The following HCK variants were observed in gnomAD, a reference collection of about 807,000 sequenced individuals.
HCK encodes HCK proto-oncogene, Src family tyrosine kinase, also known as tyrosine-protein kinase HCK.
HCK carries 40 observed loss-of-function variants against 70.4 expected under a neutral mutation model. The ratio of observed to expected loss-of-function variants is 0.57; its 90% CI spans 0.44 to 0.74. The LOEUF is 0.74. HCK is among the 30% of genes least tolerant of loss of function. The pLI is 0.00. For missense variants in HCK, 568 were observed against 697.2 expected (o/e 0.81, Z 2.09); for synonymous variants, 245 against 263.2 (o/e 0.93, Z 0.67).
rs770169744 is a variant in HCK, at chr20:32,101,332, A to AAG, written c.1395_1396dup (p.Val466GlufsTer2). 1 of 1,614,074 alleles carries AAG rather than the reference A, an allele frequency of 6.2e-7. No individual in the cohort carries two copies. ...TCCTTTTCAGGGATGTCAAACCCTG[A>AAG]AGTGATCCGAGCTCTGGAGCGTGGA... On this transcript the variant is annotated frameshift_variant, in exon 13 of 13. Transcript: ENST00000375852. LOFTEE classifies it high-confidence loss of function.
intron 11 of HCK, among the ~76,000 whole-genome samples, chr20:32,097,446 G>A (rs184099313): frequency 9.9e-5 from 15 of 152,260 alleles, no homozygotes; most frequent in African/African-American, 3.6e-4. Flanking sequence ...AGGCGTGGTG[G>A]CGGGCACCTG....
At chr20:32,058,605 AACACACACACACAC>A (rs60349531) in intron 1 of HCK, among the ~76,000 whole-genome samples, 2 of 142,434 alleles carry the variant, frequency 1.4e-5, no homozygotes, top group South Asian at 4.6e-4. Flanking sequence ...TTTATGTCAA[AACACACACACACAC>A]ACACACACAC....
chr20:32,052,796 GATTTTTTTTTT>G (rs2045198608), intron 1 of HCK, among the ~76,000 whole-genome samples: 3 of 111,002 alleles, frequency 2.7e-5, no homozygotes, highest in Non-Finnish European at 5.1e-5. Flanking sequence ...GGGGGGCGGG[GATTTTTTTTTT>G]AATTTAAAAA....
intron 11 of HCK, among the ~76,000 whole-genome samples, chr20:32,097,612 G>A (rs2045974283): frequency 6.7e-6 from 1 of 150,216 alleles, no homozygotes; most frequent in Admixed American, 6.6e-5. Flanking sequence ...ATAAATAAAT[G>A]TAATGACTAA....
rs150178388 is a variant in HCK at position 32,093,626 on chromosome 20, T to G, written c.1093-237T>G. ...AACATTTCAAAGTGCTCTCTGGAAG[T>G]CTTGGAATTCTAGAGAATCCCCCAA... On this transcript the variant is annotated intron_variant, in intron 10 of 12. Coordinates refer to ENST00000375852, the MANE Select transcript of HCK (RefSeq NM_002110.5). 2.9e-4 allele frequency among the ~76,000 whole-genome samples: 44 copies of G among 152,222 alleles called. 2 individuals are homozygous for G. The East Asian group carries it at 8.5e-3, about 30-fold the overall frequency.
In HCK at chr20:32,061,625, G is replaced by T. The variant is rs117911133; in HGVS notation, c.62+9139G>T. 3.9e-5 allele frequency among the ~76,000 whole-genome samples: 6 copies of T among 152,312 alleles called. No homozygotes were observed. The East Asian group carries it at 1.2e-3, about 29-fold the overall frequency. The stretch of plus-strand genomic sequence containing the variant: ...TGTCTTTGCCAGGGTGATGAGGGAA[G>T]GTTGCTCTGAGAAGGTACAATCATT... On this transcript the variant is annotated intron_variant, in intron 1 of 12. Coordinates refer to ENST00000375852, the MANE Select transcript of HCK (RefSeq NM_002110.5).
intron 6 of HCK, among the ~76,000 whole-genome samples, chr20:32,080,355 T>C (rs996322206): frequency 6.6e-6 from 1 of 152,134 alleles, no homozygotes; most frequent in Non-Finnish European, 1.5e-5. Context: ...CTCGCCACCA[T>C]GCCCAGCTAA....
chr20:32,084,664 A>G, intron 8 of HCK, 121 bp downstream of exon 8: 1 of 865,244 alleles, frequency 1.2e-6, no homozygotes, highest in Admixed American at 2.8e-5. Flanking sequence ...GGGAGATTTA[A>G]ATAATAGCCA....
intron 4 of HCK, among the ~76,000 whole-genome samples, chr20:32,074,089 C>T (rs1246686211): frequency 3.9e-5 from 6 of 152,266 alleles, no homozygotes; most frequent in African/African-American, 9.6e-5. Context: ...ATTAAGCCAC[C>T]GGCTTTACCT....
At chr20:32,054,795 G>T (rs1406860934) in intron 1 of HCK, among the ~76,000 whole-genome samples, 2 of 152,216 alleles carry the variant, frequency 1.3e-5, no homozygotes, top group Non-Finnish European at 2.9e-5. Flanking sequence ...CACAGAGCGA[G>T]ACTCCGTCTC....
chr20:32,064,410 G>A (rs1043377737), intron 1 of HCK, among the ~76,000 whole-genome samples: 5 of 152,150 alleles, frequency 3.3e-5, no homozygotes, highest in African/African-American at 9.7e-5. Context: ...GACTAGGGGC[G>A]GAGTAATTCC....
rs1170437903 is a variant in HCK at position 32,094,815 on chromosome 20, A to AAG, written c.1246+801_1246+802dup. Among the ~76,000 whole-genome samples, 152 of 138,798 alleles carry AAG rather than the reference A, an allele frequency of 1.1e-3. 1 individual carries two copies. Among genetic ancestry groups the AAG allele is most frequent in the Middle Eastern group, 7.4e-3 (2 of 270 alleles). 91.1% of individuals were successfully genotyped at this position (138,798 alleles called of 152,430 possible). On this transcript the variant is annotated intron_variant, in intron 11 of 12. Transcript: ENST00000375852. ...AAAGAAAGAAAGAAAGAAAGAAAGA[A>AAG]AGAAAGAAAGAAAGAAAGAAAGAAA...
At position 32,078,022 on chromosome 20, in the gene HCK, GT is replaced by G. The variant is rs201619397; in HGVS notation, c.429-1744del. On this transcript the variant is annotated intron_variant, in intron 5 of 12. Transcript: ENST00000375852. Reference sequence around the variant, plus strand: ...ACCAGAATTGTCAGGGAGACAGTTGGTTTTTTTTGTTTGTTTGTTTGTTTGT... The same window carrying G: ...ACCAGAATTGTCAGGGAGACAGTTGGTTTTTTTGTTTGTTTGTTTGTTTGT... Among the ~76,000 whole-genome samples the G allele has an allele frequency of 0.016, 2,445 of 149,254 alleles. 139 individuals carry two copies. In the East Asian group the frequency reaches 0.2, roughly 12 times the overall value.
chr20:32,071,612 C>T (rs781030111), intron 1 of HCK, 50 bp from the exon 2 acceptor site: 59 of 1,598,760 alleles, frequency 3.7e-5, no homozygotes, highest in Middle Eastern at 1.7e-4. Flanking sequence ...AAGACTTCCC[C>T]GCATGAGGCT....
intron 6 of HCK, 42 bp downstream of exon 6, chr20:32,079,919 C>G (rs539642709): frequency 2.1e-6 from 3 of 1,415,534 alleles, no homozygotes; most frequent in Non-Finnish European, 3.0e-6. Flanking sequence ...TGCCGAGGTG[C>G]CCCAGCTGGG....
At chr20:32,097,547 T>A (rs2045973429) in intron 11 of HCK, among the ~76,000 whole-genome samples, 1 of 151,784 alleles carries the variant, frequency 6.6e-6, no homozygotes, top group South Asian at 2.1e-4. Flanking sequence ...ACCACTGCAC[T>A]CCAGCCTGGG....
At chr20:32,065,098 A>G (rs1568966405) in intron 1 of HCK, among the ~76,000 whole-genome samples, 1 of 152,252 alleles carries the variant, frequency 6.6e-6, no homozygotes, top group Non-Finnish European at 1.5e-5. Context: ...AAGAAAAATA[A>G]GGCTCAGAGA....
chr20:32,061,198 G>C (rs545020716), intron 1 of HCK, among the ~76,000 whole-genome samples: 21 of 152,322 alleles, frequency 1.4e-4, no homozygotes, highest in South Asian at 2.1e-4. Context: ...TGGCCAGGCT[G>C]GTCTTGAACT....
rs779718524 is a variant in HCK, at chr20:32,093,997, C to T, written c.1227C>T (p.Asn409=). ...GCCTGGCCCGGGTCATTGAGGACAA[C>T]GAGTACACGGCTCGGGAAGGTAGGG... The change falls in exon 11 of 13, where the codon AAC becomes AAT. Residue 409 remains asparagine (N), a synonymous_variant. Coordinates refer to ENST00000375852, the MANE Select transcript of HCK (RefSeq NM_002110.5). The T allele has an allele frequency of 6.6e-5, 106 of 1,613,484 alleles. No individual in the cohort carries two copies. Among genetic ancestry groups the T allele is most frequent in the East Asian group, 4.2e-4 (19 of 44,860 alleles).
Sources: allele counts gnomAD v4.1 joint callset (sites outside exome capture counted in the v4.1 genomes callset), GRCh38; gene constraint gnomAD v4.1.1; transcripts MANE v1.5; gene names NCBI Gene and HGNC (gene_info 2026-07-23, HGNC 2026-07-21).